FRMD4A: variants seen among roughly 807,000 people sequenced by gnomAD.
FRMD4A encodes FERM domain containing 4A, also known as FERM domain-containing protein 4A.
Under a neutral mutation model 129.1 loss-of-function variants are expected in FRMD4A, and 29 were observed. The ratio of observed to expected loss-of-function variants is 0.22; its 90% CI spans 0.17 to 0.31. FRMD4A has a LOEUF of 0.31. Among genes scored for constraint, FRMD4A ranks in the 10% least tolerant of loss-of-function variants. The pLI, the probability that FRMD4A is intolerant of heterozygous loss-of-function variation, is 1.00. For missense variants in FRMD4A, 1,272 were observed against 1,375.8 expected (o/e 0.92, Z 1.19); for synonymous variants, 634 against 571.6 (o/e 1.11, Z -1.56).
chr10:13,788,690 C>G (rs1171262441), intron 5 of FRMD4A, among the ~76,000 whole-genome samples: 2 of 152,194 alleles, frequency 1.3e-5, no homozygotes, highest in Admixed American at 1.3e-4. Context: ...CAAGCAACAG[C>G]CCACCCAAAC....
intron 2 of FRMD4A, among the ~76,000 whole-genome samples, chr10:14,030,524 A>C (rs1361194179): frequency 6.6e-6 from 1 of 152,240 alleles, no homozygotes; most frequent in Non-Finnish European, 1.5e-5. Context: ...CCTTACCTTC[A>C]AACTACAAAG....
chr10:13,856,952 G>T (rs769864139), intron 3 of FRMD4A, among the ~76,000 whole-genome samples: 2 of 151,972 alleles, frequency 1.3e-5, no homozygotes, highest in Non-Finnish European at 2.9e-5. Context: ...TAAACTCTTC[G>T]CACTGAGTCT....
chr10:14,263,381 T>C (rs543425251), intron 2 of FRMD4A, among the ~76,000 whole-genome samples: 1 of 152,326 alleles, frequency 6.6e-6, no homozygotes, highest in South Asian at 2.1e-4. Flanking sequence ...CGGCCAGACA[T>C]GCTGCTAAGA....
intron 5 of FRMD4A, among the ~76,000 whole-genome samples, chr10:13,793,432 A>G (rs1013190776): frequency 2.0e-5 from 3 of 152,114 alleles, no homozygotes; most frequent in Non-Finnish European, 4.4e-5. Context: ...TTGCCCTCCG[A>G]AAGTACAGGC....
intron 2 of FRMD4A, among the ~76,000 whole-genome samples, chr10:13,972,600 G>C (rs1214467100): frequency 6.6e-6 from 1 of 152,044 alleles, no homozygotes; most frequent in African/African-American, 2.4e-5. Context: ...TTTAATGCAT[G>C]TTGGGTAAGC....
rs1294270143 is a variant in FRMD4A, at chr10:14,128,051, T to C, written c.45+202007A>G. On this transcript the variant is annotated intron_variant, in intron 2 of 24. Coordinates refer to ENST00000357447, the MANE Select transcript of FRMD4A (RefSeq NM_018027.5). ...TCCTTCCTTCCTTTCTTTCCCTCTT[T>C]CTTTCTTTCTTTCTTTCTTTCTTTC... Among the ~76,000 whole-genome samples, 100 of 17,000 alleles carry C rather than the reference T, an allele frequency of 5.9e-3. 2 individuals are homozygous for C. The highest frequency in any genetic ancestry group is 0.014 in the African/African-American group (45 of 3,246). The allele number at this position is 17,000 out of a possible 152,430, so 11.2% of individuals were successfully genotyped here. A position where few individuals can be genotyped will look rare whatever the true frequency, so the allele number is the denominator to read the frequency against.
At chr10:13,922,240 T>C (rs2095081347) in intron 2 of FRMD4A, among the ~76,000 whole-genome samples, 1 of 151,986 alleles carries the variant, frequency 6.6e-6, no homozygotes, top group South Asian at 2.1e-4. Context: ...CAGCCCCAGC[T>C]CATGATGACA....
intron 2 of FRMD4A, among the ~76,000 whole-genome samples, chr10:14,056,481 C>G (rs1180333253): frequency 1.3e-5 from 2 of 151,912 alleles, no homozygotes; most frequent in East Asian, 3.9e-4. Context: ...CCTTGGACCT[C>G]TGAATAAGTA....
intron 2 of FRMD4A, among the ~76,000 whole-genome samples, chr10:13,931,019 TAGATG>T (rs2095188869): frequency 6.6e-6 from 1 of 152,136 alleles, no homozygotes; most frequent in Non-Finnish European, 1.5e-5. Flanking sequence ...ACTTTCTGTA[TAGATG>T]AGATATCTCT....
At chr10:13,950,653 C>G (rs979978140) in intron 2 of FRMD4A, among the ~76,000 whole-genome samples, 4 of 152,186 alleles carry the variant, frequency 2.6e-5, no homozygotes, top group Non-Finnish European at 5.9e-5. Flanking sequence ...TCACTATACT[C>G]TAGCCACACT....
At chr10:13,910,926 A>AT (rs2094934919) in intron 2 of FRMD4A, among the ~76,000 whole-genome samples, 2 of 130,900 alleles carry the variant, frequency 1.5e-5, no homozygotes, top group African/African-American at 5.9e-5. Flanking sequence ...AAAAAAAAAA[A>AT]GTCTAGTGGT....
intron 3 of FRMD4A, among the ~76,000 whole-genome samples, chr10:13,843,978 A>T (rs1446276800): frequency 2.0e-5 from 3 of 152,148 alleles, no homozygotes; most frequent in Non-Finnish European, 2.9e-5. Flanking sequence ...AAAGATTATA[A>T]TTTTTTTCTT....
Position 13,887,914 on chromosome 10 carries a change from C to T in FRMD4A, c.46-29002G>A, listed in dbSNP as rs915440313. Among the ~76,000 whole-genome samples, 65 of 152,068 alleles carry T rather than the reference C, an allele frequency of 4.3e-4. 2 individuals carry two copies. Among genetic ancestry groups the T allele is most frequent in the African/African-American group, 1.1e-3 (45 of 41,396 alleles). On this transcript the variant is annotated intron_variant, in intron 2 of 24. Transcript: ENST00000357447. Reference sequence around the variant, plus strand: ...AGGATGTGCTGATTCCATGAGACAACGGAAAGGGTGGCAGCTGATGGATTT... The same window carrying T: ...AGGATGTGCTGATTCCATGAGACAATGGAAAGGGTGGCAGCTGATGGATTT...
chr10:14,306,030 G>T (rs993486270), intron 2 of FRMD4A, among the ~76,000 whole-genome samples: 2 of 152,130 alleles, frequency 1.3e-5, no homozygotes, highest in African/African-American at 4.8e-5. Context: ...GGATGCTAAG[G>T]CTTAATACCT....
intron 2 of FRMD4A, among the ~76,000 whole-genome samples, chr10:14,065,683 C>T (rs988304896): frequency 1.3e-5 from 2 of 152,178 alleles, no homozygotes; most frequent in Admixed American, 1.3e-4. Context: ...ATGTCCCCAT[C>T]AGAAGGGCTG....
chr10:14,043,488 C>G (rs554591908), intron 2 of FRMD4A, among the ~76,000 whole-genome samples: 2 of 152,240 alleles, frequency 1.3e-5, no homozygotes, highest in Non-Finnish European at 2.9e-5. Context: ...TCCTCTATTC[C>G]TCTCTGATGT....
intron 2 of FRMD4A, chr10:13,890,888 A>C: frequency 1.0e-6 from 1 of 983,078 alleles, no homozygotes; most frequent in Non-Finnish European, 1.2e-6. Flanking sequence ...GAAATTTCGC[A>C]GAATACGCCT....
chr10:14,303,082 T>A (rs1054851802), intron 2 of FRMD4A, among the ~76,000 whole-genome samples: 2 of 152,228 alleles, frequency 1.3e-5, no homozygotes, highest in African/African-American at 4.8e-5. Flanking sequence ...TGGCCTCAGC[T>A]GCATGGTAGA....
chr10:13,774,419 G>T (rs952335732), intron 6 of FRMD4A, among the ~76,000 whole-genome samples: 1 of 152,150 alleles, frequency 6.6e-6, no homozygotes, highest in Non-Finnish European at 1.5e-5. Flanking sequence ...GAGATGAGAG[G>T]TTCGTTCTCT....
Sources: gnomAD v4.1 joint callset for allele counts (sites outside exome capture counted in the v4.1 genomes callset) on GRCh38, gnomAD v4.1.1 for gene constraint, MANE v1.5 for transcripts, NCBI Gene and HGNC (gene_info 2026-07-23, HGNC 2026-07-21) for gene names.